The following DIAPH2 variants were observed in gnomAD, a reference collection of about 807,000 sequenced individuals.
DIAPH2 encodes diaphanous related formin 2.
Under a neutral mutation model 92.7 loss-of-function variants are expected in DIAPH2, and 35 were observed. That is an observed-to-expected ratio of 0.38 (90% confidence interval 0.29 to 0.50). The LOEUF is 0.50. DIAPH2 is among the 20% of genes least tolerant of loss of function. The pLI is 0.94. For synonymous variants in DIAPH2, 301 were observed against 280.4 expected (o/e 1.07, Z -0.73); for missense variants, 701 against 819.5 (o/e 0.86, Z 1.77).
intron 22 of DIAPH2, among the ~76,000 whole-genome samples, chrX:97,142,250 A>C (rs1201930170): frequency 1.8e-5 from 2 of 111,808 alleles, no homozygotes; most frequent in Non-Finnish European, 3.8e-5. Context: ...GCAGGAAAAG[A>C]TAATGTCCTA....
chrX:96,887,471 T>C (rs1387139367), intron 5 of DIAPH2, among the ~76,000 whole-genome samples: 1 of 111,277 alleles, frequency 9.0e-6, no homozygotes, highest in Non-Finnish European at 1.9e-5. Flanking sequence ...AAAAACATAA[T>C]TGATGATTAT....
intron 24 of DIAPH2, among the ~76,000 whole-genome samples, chrX:97,371,944 C>A (rs777477725): frequency 8.9e-6 from 1 of 112,515 alleles, no homozygotes; most frequent in South Asian, 3.7e-4. Flanking sequence ...TAAAGCACTT[C>A]GTAGATTTTA....
At chrX:97,476,972 T>TATATAC (rs2070611537) in intron 26 of DIAPH2, among the ~76,000 whole-genome samples, 1 of 63,202 alleles carries the variant, frequency 1.6e-5, no homozygotes, top group Non-Finnish European at 2.7e-5. Flanking sequence ...AAAAAAAATA[T>TATATAC]ATATATATAT....
chrX:97,049,798 A>C (rs2066507571), intron 17 of DIAPH2, among the ~76,000 whole-genome samples: 1 of 111,350 alleles, frequency 9.0e-6, no homozygotes, highest in African/African-American at 3.3e-5. Flanking sequence ...TCTTATTACA[A>C]ATAAGCATAC....
At chrX:96,925,249 TA>T (rs1223621380) in intron 9 of DIAPH2, among the ~76,000 whole-genome samples, 2 of 110,586 alleles carry the variant, frequency 1.8e-5, no homozygotes, top group Non-Finnish European at 3.8e-5. Flanking sequence ...ATCTTCCTTT[TA>T]AAAAAAATCC....
In DIAPH2 at chrX:97,137,205, GA is replaced by G. The variant is rs754222337; in HGVS notation, c.2590-4456del. Among the ~76,000 whole-genome samples, 492 of 101,024 alleles carry G rather than the reference GA, an allele frequency of 4.9e-3. 5 individuals carry two copies. Among genetic ancestry groups the G allele is most frequent in the African/African-American group, 0.017 (470 of 27,187 alleles). 87.7% of individuals were successfully genotyped at this position (101,024 alleles called of 115,157 possible). The stretch of plus-strand genomic sequence containing the variant: ...CTAACTCTAGCAAATGTGTGTTCTG[GA>G]AAAGTTTGGCCTTTGTAGTCAACCT... On this transcript the variant is annotated intron_variant, in intron 21 of 26. Coordinates refer to ENST00000324765, the MANE Select transcript of DIAPH2 (RefSeq NM_006729.5).
At chrX:96,928,605 ATAT>A (rs985909169) in intron 9 of DIAPH2, among the ~76,000 whole-genome samples, 1 of 111,254 alleles carries the variant, frequency 9.0e-6, no homozygotes, top group Non-Finnish European at 1.9e-5. Context: ...CTGTAAAAGA[ATAT>A]TATTTTATCA....
chrX:96,774,906 G>C (rs1370503602), intron 4 of DIAPH2, among the ~76,000 whole-genome samples: 2 of 112,023 alleles, frequency 1.8e-5, no homozygotes, highest in Admixed American at 1.9e-4. Context: ...ACATCGTTTT[G>C]TTCAATCTCT....
At chrX:97,082,457 T>TA (rs781034055) in intron 19 of DIAPH2, among the ~76,000 whole-genome samples, 2,018 of 85,750 alleles carry the variant, frequency 0.024, 56 homozygotes, top group African/African-American at 0.067. Flanking sequence ...CCGACTCTAC[T>TA]AAAAAAAAAA....
rs143937714 is a variant in DIAPH2 at position 97,160,694 on chromosome X, G to C, written c.2719+18900G>C. On this transcript the variant is annotated intron_variant, in intron 22 of 26. Coordinates refer to ENST00000324765, the MANE Select transcript of DIAPH2 (RefSeq NM_006729.5). ...ATCTGATGAAACCTTTCAGCAGCTAGAGTTTGCTCAGGATCTTGGTCTTAA... is the reference window on the plus strand; with the variant it reads ...ATCTGATGAAACCTTTCAGCAGCTACAGTTTGCTCAGGATCTTGGTCTTAA... Among the ~76,000 whole-genome samples the C allele has an allele frequency of 2.0e-3, 221 of 111,748 alleles. 1 individual carries two copies. Among genetic ancestry groups the C allele is most frequent in the African/African-American group, 6.7e-3 (206 of 30,781 alleles).
At chrX:97,506,867 G>C in intron 26 of DIAPH2, among the ~76,000 whole-genome samples, 1 of 111,311 alleles carries the variant, frequency 9.0e-6, no homozygotes, top group East Asian at 2.8e-4. Context: ...ATACATTTTT[G>C]ATTTTTAACA....
intron 5 of DIAPH2, among the ~76,000 whole-genome samples, chrX:96,893,607 T>TA (rs1032003290): frequency 5.4e-5 from 6 of 111,911 alleles, no homozygotes; most frequent in African/African-American, 1.6e-4. Context: ...AGCCAAAAAG[T>TA]AAAAAAATCA....
chrX:96,973,251 A>G (rs2065938540), intron 17 of DIAPH2, among the ~76,000 whole-genome samples: 1 of 111,790 alleles, frequency 8.9e-6, no homozygotes, highest in Non-Finnish European at 1.9e-5. Context: ...TAATCTCAGC[A>G]CTTTGGGAGG....
At chrX:97,367,702 C>CTT (rs200267248) in intron 24 of DIAPH2, among the ~76,000 whole-genome samples, 7 of 97,092 alleles carry the variant, frequency 7.2e-5, no homozygotes, top group Non-Finnish European at 1.0e-4. Flanking sequence ...GGTAAAATAT[C>CTT]TTTTTTTTTT....
At chrX:97,454,770 G>A (rs988528716) in intron 26 of DIAPH2, among the ~76,000 whole-genome samples, 2 of 109,792 alleles carry the variant, frequency 1.8e-5, no homozygotes, top group Non-Finnish European at 3.8e-5. Context: ...CAGGAGAATC[G>A]CTTGAACCTG....
At chrX:97,328,669 T>G (rs2068971906) in intron 23 of DIAPH2, among the ~76,000 whole-genome samples, 1 of 111,275 alleles carries the variant, frequency 9.0e-6, no homozygotes, top group Admixed American at 9.7e-5. Flanking sequence ...TTTAGATACT[T>G]ATCCCTATTT....
At chrX:96,959,738 T>A (rs763877404) in intron 16 of DIAPH2, among the ~76,000 whole-genome samples, 6 of 111,909 alleles carry the variant, frequency 5.4e-5, no homozygotes, top group Admixed American at 9.5e-5. Flanking sequence ...TCTAGTAGTT[T>A]TATAGTCTCA....
intron 26 of DIAPH2, among the ~76,000 whole-genome samples, chrX:97,501,414 G>C (rs776727966): frequency 2.0e-3 from 224 of 112,122 alleles, no homozygotes; most frequent in African/African-American, 6.8e-3. Context: ...ACCCCTGTGA[G>C]ATGTATAAGC....
chrX:97,264,980 C>CA (rs201651976), intron 23 of DIAPH2, among the ~76,000 whole-genome samples: 1,459 of 106,379 alleles, frequency 0.014, 23 homozygotes, highest in African/African-American at 0.047. Flanking sequence ...AAGACTGTCT[C>CA]AAAAAAAAAC....
Sources: gnomAD v4.1 joint callset for allele counts (sites outside exome capture counted in the v4.1 genomes callset) on GRCh38, gnomAD v4.1.1 for gene constraint, MANE v1.5 for transcripts, NCBI Gene and HGNC (gene_info 2026-07-23, HGNC 2026-07-21) for gene names.